Variants in CSMD3 observed in about 807,000 individuals in gnomAD.
CSMD3 encodes CUB and Sushi multiple domains 3.
Under a neutral mutation model 435.2 loss-of-function variants are expected in CSMD3, and 177 were observed. The ratio of observed to expected loss-of-function variants is 0.41; its 90% confidence interval spans 0.36 to 0.46. The LOEUF is 0.46. CSMD3 is among the 20% of genes least tolerant of loss of function. The pLI, the probability that CSMD3 is intolerant of heterozygous loss-of-function variation, is 0.34. For synonymous variants in CSMD3, 1,656 were observed against 1,520.5 expected, an observed-to-expected ratio of 1.09 and a Z score of -2.07; for missense variants, 4,265 against 4,504.6, an observed-to-expected ratio of 0.95 and a Z score of 1.52.
intron 9 of CSMD3, among the ~76,000 whole-genome samples, chr8:112,939,012 T>C (rs936091116): frequency 6.6e-6 from 1 of 152,228 alleles, no homozygotes; most frequent in African/African-American, 2.4e-5. Flanking sequence ...ATATGATATA[T>C]GTATGTACGT....
chr8:113,055,113 T>C (rs1302289391), intron 5 of CSMD3, among the ~76,000 whole-genome samples: 1 of 152,194 alleles, frequency 6.6e-6, no homozygotes, highest in African/African-American at 2.4e-5. Context: ...ACACCAACCA[T>C]TGTAATGTAT....
chr8:112,375,481 G>A (rs562338592), intron 38 of CSMD3, among the ~76,000 whole-genome samples: 4 of 152,128 alleles, frequency 2.6e-5, no homozygotes, highest in Admixed American at 1.3e-4. Context: ...TTTCCCTCAG[G>A]AAGAGCAGTC....
At chr8:113,125,505 A>C (rs1337565239) in intron 4 of CSMD3, among the ~76,000 whole-genome samples, 1 of 151,872 alleles carries the variant, frequency 6.6e-6, no homozygotes, top group African/African-American at 2.4e-5. Flanking sequence ...AGAACTCAGG[A>C]GAGGATAGGA....
intron 16 of CSMD3, among the ~76,000 whole-genome samples, chr8:112,670,931 A>G (rs2131728299): frequency 6.6e-6 from 1 of 152,148 alleles, no homozygotes; most frequent in Non-Finnish European, 1.5e-5. Context: ...TGAATATGCA[A>G]CCCTTTGAAA....
intron 6 of CSMD3, among the ~76,000 whole-genome samples, chr8:113,016,638 T>C (rs1008899707): frequency 1.3e-5 from 2 of 151,898 alleles, no homozygotes; most frequent in Non-Finnish European, 2.9e-5. Flanking sequence ...TCGGTAAATA[T>C]ATGAGTTATT....
intron 7 of CSMD3, among the ~76,000 whole-genome samples, chr8:112,969,489 C>G (rs568767724): frequency 6.6e-6 from 1 of 151,814 alleles, no homozygotes; most frequent in Admixed American, 6.6e-5. Flanking sequence ...CTTTATTAAC[C>G]AAAGTAATAT....
intron 6 of CSMD3, among the ~76,000 whole-genome samples, chr8:113,003,205 A>G (rs983314915): frequency 6.6e-6 from 1 of 152,144 alleles, no homozygotes; most frequent in African/African-American, 2.4e-5. Flanking sequence ...AGATCGCACC[A>G]TTGCACTTCA....
Position 112,865,986 on chromosome 8 carries a change from T to A in CSMD3, c.1634-6720A>T, listed in dbSNP as rs897247430. Among the ~76,000 whole-genome samples, 4 of 152,170 alleles carry A rather than the reference T, an allele frequency of 2.6e-5. 1 individual carries two copies. The highest frequency in any genetic ancestry group is 2.0e-4 in the Admixed American group (3 of 15,268). ...ATTCAAGCTTCTACCTTTTGGTGAA[T>A]GTAGAATGTGGTAATTAATCCACAA... On this transcript the variant is annotated intron_variant, in intron 10 of 70. Coordinates refer to ENST00000297405, the MANE Select transcript of CSMD3 (RefSeq NM_198123.2).
chr8:112,910,509 A>G (rs2082380512), intron 10 of CSMD3, among the ~76,000 whole-genome samples: 1 of 151,742 alleles, frequency 6.6e-6, no homozygotes, highest in Non-Finnish European at 1.5e-5. Context: ...CTTTCACCTC[A>G]AGGGAGAGTA....
chr8:112,306,259 G>T, intron 50 of CSMD3, 67 bp from the exon 51 acceptor site: 2 of 1,185,324 alleles, frequency 1.7e-6, no homozygotes, highest in Non-Finnish European at 2.5e-6. Flanking sequence ...AGGTAACTCT[G>T]CTGAACTGTA....
At chr8:112,677,433 C>G (rs1169708115) in intron 16 of CSMD3, among the ~76,000 whole-genome samples, 2 of 146,978 alleles carry the variant, frequency 1.4e-5, no homozygotes, top group African/African-American at 5.0e-5. Flanking sequence ...AAAAAAAAAT[C>G]AAAGTAAAAA....
chr8:113,411,273 A>T (rs530385806), intron 1 of CSMD3, among the ~76,000 whole-genome samples: 1 of 152,246 alleles, frequency 6.6e-6, no homozygotes, highest in African/African-American at 2.4e-5. Flanking sequence ...GTCAGTTAGT[A>T]TTCTACCAAA....
intron 26 of CSMD3, among the ~76,000 whole-genome samples, chr8:112,551,163 T>A (rs766164376): frequency 3.3e-5 from 5 of 152,098 alleles, no homozygotes; most frequent in Non-Finnish European, 5.9e-5. Flanking sequence ...GCAGGGGACA[T>A]TTATAGATAA....
At chr8:113,302,940 G>T (rs2093785708) in intron 2 of CSMD3, among the ~76,000 whole-genome samples, 1 of 133,796 alleles carries the variant, frequency 7.5e-6, no homozygotes, top group Non-Finnish European at 1.6e-5. Context: ...GAAATAAAGG[G>T]TATTCAATTA....
chr8:112,805,909 CTGG>C lies in CSMD3; in HGVS notation c.1860-5638_1860-5636del, dbSNP rs1587350914. The stretch of plus-strand genomic sequence containing the variant: ...AAGTCATCAGCATGTTGATGGTTTG[CTGG>C]TAGGCTCAGAAACTAAAGAGCAATA... On this transcript the variant is annotated intron_variant, in intron 12 of 70. Coordinates refer to ENST00000297405, the MANE Select transcript of CSMD3 (RefSeq NM_198123.2). Among the ~76,000 whole-genome samples the C allele has an allele frequency of 2.6e-5, 4 of 152,208 alleles. No individual in the cohort carries two copies. In the South Asian group the frequency reaches 8.3e-4, roughly 32 times the overall value.
chr8:112,457,116 A>G (rs1400468152), intron 32 of CSMD3, among the ~76,000 whole-genome samples: 1 of 152,072 alleles, frequency 6.6e-6, no homozygotes, highest in Non-Finnish European at 1.5e-5. Context: ...TAGGATTCTA[A>G]TTCTAGTGCC....
At chr8:113,056,283 T>C (rs2088334117) in intron 5 of CSMD3, among the ~76,000 whole-genome samples, 1 of 152,178 alleles carries the variant, frequency 6.6e-6, no homozygotes. Flanking sequence ...GAACCCATCC[T>C]GCAACTACTG....
chr8:113,083,389 A>C (rs1564293204), intron 5 of CSMD3, among the ~76,000 whole-genome samples: 2 of 152,022 alleles, frequency 1.3e-5, no homozygotes, highest in Admixed American at 1.3e-4. Context: ...CTACCTAGCA[A>C]AGCTAGGTAG....
chr8:113,048,580 A>T (rs575443168), intron 5 of CSMD3, among the ~76,000 whole-genome samples: 12 of 151,906 alleles, frequency 7.9e-5, no homozygotes, highest in Non-Finnish European at 1.8e-4. Context: ...AAAAAGAAAG[A>T]TTACATTTGA....
Sources: gnomAD v4.1 joint callset for allele counts (sites outside exome capture counted in the v4.1 genomes callset) on GRCh38, gnomAD v4.1.1 for gene constraint, MANE v1.5 for transcripts, NCBI Gene and HGNC (gene_info 2026-07-23, HGNC 2026-07-21) for gene names.